The following FAN1 variants were observed in gnomAD, a reference collection of about 807,000 sequenced individuals.
FAN1 encodes the protein FANCD2 and FANCI associated nuclease 1.
Under a neutral mutation model 104.9 loss-of-function variants are expected in FAN1, and 91 were observed. The ratio of observed to expected loss-of-function variants is 0.87; its 90% CI spans 0.73 to 1.03. The LOEUF (loss-of-function observed/expected upper bound fraction) is 1.03. Among genes scored for constraint, FAN1 ranks in the 50% least tolerant of loss-of-function variants. The probability of loss-of-function intolerance (pLI) is 0.00; values close to 1 mark genes in which losing one functional copy is unlikely to be tolerated. For missense variants in FAN1, 1,263 were observed against 1,239.9 expected (o/e 1.02, Z -0.28); for synonymous variants, 478 against 457.6 (o/e 1.04, Z -0.57).
intron 4 of FAN1, chr15:30,911,163 T>C: frequency 9.7e-7 from 1 of 1,033,260 alleles, no homozygotes; most frequent in Non-Finnish European, 1.2e-6. Flanking sequence ...TTTTGTTTAC[T>C]AAACAAAGTA....
intron 2 of FAN1, among the ~76,000 whole-genome samples, chr15:30,907,781 A>T (rs2062014841): frequency 6.6e-6 from 1 of 152,000 alleles, no homozygotes; most frequent in African/African-American, 2.4e-5. Flanking sequence ...GAAGCTAGAC[A>T]TTTTTTTTGG....
At chr15:30,925,647 G>C in intron 9 of FAN1, 142 bp from the exon 10 acceptor site, 2 of 955,332 alleles carry the variant, frequency 2.1e-6, no homozygotes, top group South Asian at 3.0e-5. Flanking sequence ...CCGCAGTTCT[G>C]CGTGTGTGAG....
intron 6 of FAN1, among the ~76,000 whole-genome samples, chr15:30,919,847 CAG>C (rs151131322): frequency 0.016 from 2,498 of 152,160 alleles, 69 homozygotes; most frequent in African/African-American, 0.057. Flanking sequence ...CTTGCTGTCT[CAG>C]GGGTGGCAGA....
rs747384776 is a variant in FAN1 at position 30,925,868 on chromosome 15, AC to A, written c.2421del (p.Thr808ProfsTer82). 1.9e-6 allele frequency: 3 copies of A among 1,614,112 alleles called. No homozygotes were observed. In the East Asian group the frequency reaches 6.7e-5, roughly 36 times the overall value. On this transcript the variant is annotated frameshift_variant, in exon 10 of 15. Coordinates refer to ENST00000362065, the MANE Select transcript of FAN1 (RefSeq NM_014967.5). LOFTEE classifies it high-confidence loss of function. ...VFVMEAGEAA[D>X]PTTVLCSVEE... is the part of the protein sequence containing the mutation. ...GTGATGGAGGCCGGGGAGGCCGCTG[AC>A]CCCACCACGGTCCTGTGCTCTGTGG...
rs776135449 is a variant in FAN1 at position 30,929,306 on chromosome 15, G to C, written c.2696G>C (p.Arg899Pro). Residue 899 changes from arginine (R) to proline (P), a missense_variant, in exon 12 of 15, where the codon CGG becomes CCG. Around this residue, in one of 2 missense-constraint regions of FAN1, gnomAD observed 581 missense variants for 668.8 expected, o/e 0.87. Coordinates refer to ENST00000362065, the MANE Select transcript of FAN1 (RefSeq NM_014967.5). Reference protein sequence around the residue: ...LIHDAPEESLRAWVAATWHEQ... With the variant: ...LIHDAPEESLPAWVAATWHEQ... ...CATGATGCCCCCGAGGAGAGCCTGC[G>C]GGCCTGGGTGGCAGCCACGTGGCAT... 6.2e-7 allele frequency: 1 copy of C among 1,612,826 alleles called. No homozygotes were observed. Among genetic ancestry groups the C allele is most frequent in the Non-Finnish European group, 8.5e-7 (1 of 1,179,516 alleles).
At chr15:30,911,449 G>T in intron 4 of FAN1, 3 of 982,804 alleles carry the variant, frequency 3.1e-6, no homozygotes, top group Non-Finnish European at 3.6e-6. Context: ...TTATATATTT[G>T]TTTTGTATAT....
At chr15:30,929,478 A>G in intron 12 of FAN1, 81 bp downstream of exon 12, 1 of 1,047,178 alleles carries the variant, frequency 9.5e-7, no homozygotes, top group Non-Finnish European at 1.4e-6. Context: ...CTTTATCAAA[A>G]TACACATGTG....
intron 5 of FAN1, among the ~76,000 whole-genome samples, chr15:30,917,277 C>T (rs974233385): frequency 6.6e-6 from 1 of 151,996 alleles, no homozygotes; most frequent in Non-Finnish European, 1.5e-5. Context: ...TGCTCTTCAG[C>T]CGTTTGGTTG....
In FAN1 at chr15:30,929,986, A is replaced by G. The variant is rs1484308961; in HGVS notation, c.2788-557A>G. Among the ~76,000 whole-genome samples, 3 of 127,184 alleles carry G rather than the reference A, an allele frequency of 2.4e-5. No individual in the cohort carries two copies. In the East Asian group the frequency reaches 6.0e-4, roughly 26 times the overall value. The allele number at this position is 127,184 out of a possible 152,430, so 83.4% of individuals were successfully genotyped here. A position where few individuals can be genotyped will look rare whatever the true frequency, so the allele number is the denominator to read the frequency against. On this transcript the variant is annotated intron_variant, in intron 12 of 14. Coordinates refer to ENST00000362065, the MANE Select transcript of FAN1 (RefSeq NM_014967.5). ...ATAATATATAAAATATATAATATAT[A>G]AGATATCATATATAATATAATGTAT...
chr15:30,906,469 T>C (rs989410521), intron 2 of FAN1: 1 of 456,740 alleles, frequency 2.2e-6, no homozygotes, highest in African/African-American at 2.0e-5. Context: ...CCTGAAGTCC[T>C]TGGCAGCCAG....
At chr15:30,925,004 G>A (rs1566924307) in intron 8 of FAN1, 123 bp from the exon 9 acceptor site, 2 of 990,570 alleles carry the variant, frequency 2.0e-6, no homozygotes, top group Non-Finnish European at 3.0e-6. Context: ...TAGAAGTGCT[G>A]TTTGCTCATT....
At chr15:30,921,114 A>G (rs1444048445) in intron 7 of FAN1, among the ~76,000 whole-genome samples, 1 of 152,174 alleles carries the variant, frequency 6.6e-6, no homozygotes, top group Non-Finnish European at 1.5e-5. Flanking sequence ...CAACGAGGGC[A>G]TAGTTAATGT....
intron 14 of FAN1, 27 bp downstream of exon 14, chr15:30,937,286 ACAT>A: frequency 6.3e-7 from 1 of 1,582,700 alleles, no homozygotes; most frequent in Non-Finnish European, 8.6e-7. Context: ...ATTTGGTCAT[ACAT>A]TAATGTAAGA....
Position 30,941,596 on chromosome 15 carries a change from G to T in FAN1, c.*34G>T. The T allele has an allele frequency of 6.2e-7, 1 of 1,600,022 alleles. No homozygotes were observed. Among genetic ancestry groups the T allele is most frequent in the East Asian group, 2.3e-5 (1 of 44,370 alleles). ...CTACAGGAGAAAATGGAAATGAGGAGGAGAGAAACTCCGGTGTCCCCGAGG... is the reference window on the plus strand; with the variant it reads ...CTACAGGAGAAAATGGAAATGAGGATGAGAGAAACTCCGGTGTCCCCGAGG... On this transcript the variant is annotated 3_prime_UTR_variant, in exon 15 of 15. Coordinates refer to ENST00000362065, the MANE Select transcript of FAN1 (RefSeq NM_014967.5).
At chr15:30,936,624 T>C (rs2062860835) in intron 13 of FAN1, among the ~76,000 whole-genome samples, 1 of 150,826 alleles carries the variant, frequency 6.6e-6, no homozygotes. Flanking sequence ...TGGCCTTATG[T>C]CCTGATAAAT....
At chr15:30,932,221 C>CAAA (rs766829435) in intron 13 of FAN1, among the ~76,000 whole-genome samples, 48 of 49,422 alleles carry the variant, frequency 9.7e-4, no homozygotes, top group East Asian at 3.3e-3. Context: ...GACTCCATCT[C>CAAA]AAAAAAAAAA....
chr15:30,938,149 A>C (rs1472797093), intron 14 of FAN1, among the ~76,000 whole-genome samples: 3 of 151,710 alleles, frequency 2.0e-5, no homozygotes, highest in Admixed American at 1.3e-4. Context: ...GCACCACTGC[A>C]CTCCAGCCTG....
In FAN1 at chr15:30,929,180, A is replaced by G. The variant is rs1452136829; in HGVS notation, c.2593-23A>G. Reference sequence around the variant, plus strand: ...CGGCTCTCTGCAGGCACAGTATGACAGCTTGCTTTCCCTGTGACACAGGCA... The same window carrying G: ...CGGCTCTCTGCAGGCACAGTATGACGGCTTGCTTTCCCTGTGACACAGGCA... On this transcript the variant is annotated intron_variant, in intron 11 of 14. Coordinates refer to ENST00000362065, the MANE Select transcript of FAN1 (RefSeq NM_014967.5). The G allele has an allele frequency of 1.9e-6, 3 of 1,606,484 alleles. No homozygotes were observed. The South Asian group carries it at 3.3e-5, about 18-fold the overall frequency.
At chr15:30,908,574 G>A (rs1381995297) in intron 3 of FAN1, among the ~76,000 whole-genome samples, 3 of 152,152 alleles carry the variant, frequency 2.0e-5, no homozygotes, top group Admixed American at 6.5e-5. Flanking sequence ...GGCCGGGCAC[G>A]GTGGCTCATG....
Sources: allele counts gnomAD v4.1 joint callset (sites outside exome capture counted in the v4.1 genomes callset), GRCh38; gene constraint gnomAD v4.1.1; regional missense constraint gnomAD v4.1.1; transcripts MANE v1.5; gene names NCBI Gene and HGNC (gene_info 2026-07-23, HGNC 2026-07-21).